Variants in KANK1 observed in about 807,000 individuals in gnomAD.
KANK1 encodes KN motif and ankyrin repeat domain-containing protein 1.
Under a neutral mutation model 106.2 loss-of-function variants are expected in KANK1, and 109 were observed. The observed-to-expected ratio is 1.03, with a 90% confidence interval of 0.88 to 1.20. The LOEUF (loss-of-function observed/expected upper bound fraction) is 1.20. Ranked by LOEUF, KANK1 falls within the 50% of genes most tolerant of loss-of-function variation. The probability of loss-of-function intolerance (pLI) is 0.00; values close to 1 mark genes in which losing one functional copy is unlikely to be tolerated. For missense variants in KANK1, 2,399 were observed against 1,710.7 expected, an observed-to-expected ratio of 1.40 and a Z score of -7.10; for synonymous variants, 873 against 652.2, an observed-to-expected ratio of 1.34 and a Z score of -5.16.
chr9:742,604 A>G (rs1373733086), intron 10 of KANK1, among the ~76,000 whole-genome samples, 199 bp downstream of exon 10: 1 of 152,212 alleles, frequency 6.6e-6, no homozygotes, highest in Non-Finnish European at 1.5e-5. Flanking sequence ...CTCATAAACT[A>G]GTACCCAAAG....
intron 2 of KANK1, among the ~76,000 whole-genome samples, chr9:691,108 C>T (rs557302809): frequency 6.6e-6 from 1 of 152,178 alleles, no homozygotes; most frequent in African/African-American, 2.4e-5. Flanking sequence ...CTTCCCAACC[C>T]TTGTCATCGT....
At chr9:713,565 G>C (rs1444806540) in intron 3 of KANK1, 101 bp downstream of exon 3, 8 of 1,265,920 alleles carry the variant, frequency 6.3e-6, no homozygotes, top group Non-Finnish European at 8.6e-6. Context: ...ATTTTTGGAG[G>C]AGAAATGGAG....
intron 1 of KANK1, among the ~76,000 whole-genome samples, chr9:532,691 C>T (rs1165933122): frequency 6.6e-6 from 1 of 152,076 alleles, no homozygotes; most frequent in Non-Finnish European, 1.5e-5. Context: ...GCCCTTTAAG[C>T]CTTACCCTGG....
At position 582,381 on chromosome 9, in the gene KANK1, A is replaced by T. The variant is rs10123430; in HGVS notation, c.-84+77627A>T. Among the ~76,000 whole-genome samples the T allele has an allele frequency of 4.0e-5, 6 of 151,822 alleles. No individual in the cohort carries two copies. In the East Asian group the frequency reaches 1.2e-3, roughly 29 times the overall value. Reference sequence around the variant, plus strand: ...GCCTTCAAATTCTTAAGCATTTTCTATAAATCTTCAGTGAACTAATAAAAG... The same window carrying T: ...GCCTTCAAATTCTTAAGCATTTTCTTTAAATCTTCAGTGAACTAATAAAAG... On this transcript the variant is annotated intron_variant, in intron 1 of 11. Coordinates refer to ENST00000382297, the MANE Select transcript of KANK1 (RefSeq NM_015158.5).
At chr9:641,056 C>T (rs1170620507) in intron 1 of KANK1, among the ~76,000 whole-genome samples, 2 of 152,116 alleles carry the variant, frequency 1.3e-5, no homozygotes, top group African/African-American at 4.8e-5. Flanking sequence ...ATTTTGATGT[C>T]AGTTTTTAAA....
At chr9:646,068 A>G (rs1244824507) in intron 1 of KANK1, among the ~76,000 whole-genome samples, 7 of 151,018 alleles carry the variant, frequency 4.6e-5, no homozygotes, top group Non-Finnish European at 1.0e-4. Context: ...TAGACATCTA[A>G]TAAAGTCTTT....
intron 7 of KANK1, 102 bp from the exon 8 acceptor site, chr9:738,181 CAT>C: frequency 1.1e-6 from 1 of 902,828 alleles, no homozygotes; most frequent in Non-Finnish European, 1.7e-6. Flanking sequence ...ATTCTAACTG[CAT>C]ATATATACTT....
intron 1 of KANK1, among the ~76,000 whole-genome samples, chr9:645,542 T>C (rs908396705): frequency 1.3e-5 from 2 of 150,544 alleles, no homozygotes; most frequent in African/African-American, 2.5e-5. Flanking sequence ...AATTATTTAA[T>C]GTATAAAATT....
intron 8 of KANK1, among the ~76,000 whole-genome samples, chr9:740,401 C>G (rs12338405): frequency 0.14 from 21,375 of 152,196 alleles, 1,726 homozygotes; most frequent in Admixed American, 0.17. Flanking sequence ...TTTGCAAACA[C>G]TTCGTTCATG....
chr9:710,624 AAAAAAC>A (rs1488092093), intron 2 of KANK1, among the ~76,000 whole-genome samples, 174 bp from the exon 3 acceptor site: 1 of 130,554 alleles, frequency 7.7e-6, no homozygotes, highest in East Asian at 2.0e-4. Flanking sequence ...TCAAAAAAAA[AAAAAAC>A]AAAAAAAAAC....
intron 2 of KANK1, among the ~76,000 whole-genome samples, chr9:692,789 A>G (rs77743628): frequency 0.015 from 2,254 of 152,180 alleles, 53 homozygotes; most frequent in African/African-American, 0.052. Flanking sequence ...CCAAAGCTGG[A>G]GGACTTCTTG....
chr9:739,127 A>T (rs940256273), intron 8 of KANK1, among the ~76,000 whole-genome samples: 2 of 152,234 alleles, frequency 1.3e-5, no homozygotes, highest in East Asian at 3.8e-4. Flanking sequence ...GCCAGTGGAC[A>T]TCTTAGACAT....
At chr9:633,568 C>G (rs1352436948) in intron 1 of KANK1, among the ~76,000 whole-genome samples, 2 of 152,224 alleles carry the variant, frequency 1.3e-5, no homozygotes, top group East Asian at 1.9e-4. Flanking sequence ...CTGTCCATAG[C>G]ATTGTATCCA....
chr9:476,668 C>T (rs144633236), intron 3 of KANK1: 8 of 152,318 alleles, frequency 5.3e-5, no homozygotes, highest in African/African-American at 1.9e-4. Context: ...AAATATCAAA[C>T]TGTACCAAGA....
At chr9:735,305 G>A (rs528883959) in intron 7 of KANK1, among the ~76,000 whole-genome samples, 3 of 152,150 alleles carry the variant, frequency 2.0e-5, no homozygotes, top group Non-Finnish European at 4.4e-5. Context: ...AATGCAGGCG[G>A]CCACTATTTT....
intron 1 of KANK1, among the ~76,000 whole-genome samples, chr9:587,227 T>G (rs558991129): frequency 2.6e-5 from 4 of 152,334 alleles, no homozygotes; most frequent in African/African-American, 9.6e-5. Context: ...ACGAATCTGT[T>G]CCCTAGTCTT....
intron 1 of KANK1, among the ~76,000 whole-genome samples, chr9:607,983 CTT>C (rs1343854031): frequency 1.4e-4 from 21 of 147,088 alleles, no homozygotes; most frequent in African/African-American, 4.1e-4. Flanking sequence ...ACCATGGAAT[CTT>C]TGAAGGAAAG....
chr9:580,020 G>A (rs963984444), intron 1 of KANK1, among the ~76,000 whole-genome samples: 2 of 152,164 alleles, frequency 1.3e-5, no homozygotes, highest in Non-Finnish European at 1.5e-5. Context: ...TGAAGCCACA[G>A]ACCCTTGCGG....
At chr9:672,023 G>T (rs1430117210) in intron 1 of KANK1, among the ~76,000 whole-genome samples, 1 of 152,174 alleles carries the variant, frequency 6.6e-6, no homozygotes, top group Non-Finnish European at 1.5e-5. Context: ...AAGCCTCCTT[G>T]CAGTAAGCAT....
Sources: gnomAD v4.1 joint callset for allele counts (sites outside exome capture counted in the v4.1 genomes callset) on GRCh38, gnomAD v4.1.1 for gene constraint, MANE v1.5 for transcripts, NCBI Gene and HGNC (gene_info 2026-07-23, HGNC 2026-07-21) for gene names.